Variants in XYLT1 observed in about 807,000 individuals in gnomAD.
XYLT1 encodes the protein beta-D-xylosyltransferase 1.
XYLT1 carries 36 observed loss-of-function variants against 91.3 expected under a neutral mutation model. The observed-to-expected ratio is 0.39, with a 90% CI of 0.30 to 0.52. The LOEUF (loss-of-function observed/expected upper bound fraction) is 0.52, where lower values mean the gene tolerates loss of function less well. XYLT1 is among the 20% of genes least tolerant of loss of function. The pLI is 0.68. For synonymous variants in XYLT1, 588 were observed against 532.0 expected, an observed-to-expected ratio of 1.11 and a Z score of -1.45; for missense variants, 1,242 against 1,284.5, an observed-to-expected ratio of 0.97 and a Z score of 0.51.
At chr16:17,243,196 C>T (rs1212646317) in intron 3 of XYLT1, among the ~76,000 whole-genome samples, 2 of 152,198 alleles carry the variant, frequency 1.3e-5, no homozygotes, top group Admixed American at 1.3e-4. Context: ...TCACACAGAT[C>T]CTCTCATTCT....
Position 17,437,551 on chromosome 16 carries a change from T to C in XYLT1, c.363+32883A>G, listed in dbSNP as rs114250962. Among the ~76,000 whole-genome samples the C allele has an allele frequency of 3.1e-3, 479 of 152,246 alleles. 2 individuals are homozygous for C. Among genetic ancestry groups the C allele is most frequent in the African/African-American group, 1.0e-2 (415 of 41,554 alleles). The stretch of plus-strand genomic sequence containing the variant: ...TGCTTGGAATGCACTTGTATCTACA[T>C]TGCAATGCTCAGAGTTACATGTCTC... On this transcript the variant is annotated intron_variant, in intron 1 of 11. Coordinates refer to ENST00000261381, the MANE Select transcript of XYLT1 (RefSeq NM_022166.4).
At chr16:17,297,920 C>G (rs1182709027) in intron 2 of XYLT1, among the ~76,000 whole-genome samples, 1 of 151,852 alleles carries the variant, frequency 6.6e-6, no homozygotes, top group Admixed American at 6.6e-5. Flanking sequence ...ACTCGGGAGG[C>G]TGAGGCAGGA....
chr16:17,391,284 C>T (rs1345996736), intron 1 of XYLT1, among the ~76,000 whole-genome samples: 2 of 152,156 alleles, frequency 1.3e-5, no homozygotes, highest in African/African-American at 4.8e-5. Context: ...TGGCTTGACC[C>T]AGACCCACCA....
chr16:17,285,305 A>T (rs1247701000), intron 2 of XYLT1, among the ~76,000 whole-genome samples: 1 of 152,218 alleles, frequency 6.6e-6, no homozygotes, highest in Non-Finnish European at 1.5e-5. Context: ...TTAAATCAGA[A>T]TTCAAATGAG....
intron 3 of XYLT1, among the ~76,000 whole-genome samples, chr16:17,248,976 C>T (rs1308797556): frequency 6.6e-6 from 1 of 152,022 alleles, no homozygotes; most frequent in Non-Finnish European, 1.5e-5. Flanking sequence ...ATCCACCTGC[C>T]TCCCAAAGTG....
chr16:17,113,081 C>T (rs1228816805), intron 11 of XYLT1, among the ~76,000 whole-genome samples: 2 of 151,928 alleles, frequency 1.3e-5, no homozygotes, highest in African/African-American at 4.8e-5. Flanking sequence ...TCAGGTGATC[C>T]GCCCACCTCA....
chr16:17,224,850 G>A (rs2033034493), intron 3 of XYLT1, among the ~76,000 whole-genome samples: 1 of 152,160 alleles, frequency 6.6e-6, no homozygotes, highest in South Asian at 2.1e-4. Context: ...TTCTATAAGA[G>A]GACAGACAGT....
At chr16:17,169,893 G>A (rs1358289516) in intron 5 of XYLT1, among the ~76,000 whole-genome samples, 5 of 152,168 alleles carry the variant, frequency 3.3e-5, no homozygotes, top group African/African-American at 4.8e-5. Flanking sequence ...AGAGGGCATC[G>A]AAAGATTGAA....
At chr16:17,150,277 C>T (rs1326803488) in intron 6 of XYLT1, among the ~76,000 whole-genome samples, 6 of 152,198 alleles carry the variant, frequency 3.9e-5, no homozygotes, top group Non-Finnish European at 8.8e-5. Flanking sequence ...CCTTCTGGGC[C>T]TGAGCTGGAG....
chr16:17,238,023 G>A (rs1290874147), intron 3 of XYLT1, among the ~76,000 whole-genome samples: 1 of 152,180 alleles, frequency 6.6e-6, no homozygotes, highest in Non-Finnish European at 1.5e-5. Context: ...TTTCGGTGAG[G>A]GCAGTGGTAC....
intron 3 of XYLT1, among the ~76,000 whole-genome samples, chr16:17,256,373 C>A (rs1323949300): frequency 6.6e-6 from 1 of 152,134 alleles, no homozygotes; most frequent in Non-Finnish European, 1.5e-5. Flanking sequence ...AGAGTTCTCA[C>A]CAGGCGCGGT....
chr16:17,219,446 A>T (rs2032923897), intron 3 of XYLT1, among the ~76,000 whole-genome samples: 1 of 152,266 alleles, frequency 6.6e-6, no homozygotes, highest in African/African-American at 2.4e-5. Flanking sequence ...GTCTTTTACC[A>T]TTACAGCATC....
intron 2 of XYLT1, among the ~76,000 whole-genome samples, chr16:17,270,888 C>T (rs183477307): frequency 5.3e-4 from 80 of 152,178 alleles, no homozygotes; most frequent in Non-Finnish European, 7.9e-4. Context: ...TCTGGCTCTC[C>T]GCAGAAAAAA....
chr16:17,141,290 G>C lies in XYLT1; in HGVS notation c.1450C>G (p.Pro484Ala), dbSNP rs775199998. 2 of 1,614,144 alleles carry C rather than the reference G, an allele frequency of 1.2e-6. No homozygotes were observed. Among genetic ancestry groups the C allele is most frequent in the South Asian group, 2.2e-5 (2 of 91,082 alleles). The change falls in exon 7 of 12, where the codon CCA (proline) becomes GCA (alanine). Residue 484 changes from proline (P) to alanine (A), a missense_variant. Pro to Ala is a conservative substitution (Grantham distance 27, BLOSUM62 -1). Transcript: ENST00000261381. Reference protein sequence around the residue: ...HMWRLGDRRIPEGIAVDGGSD... With the variant: ...HMWRLGDRRIAEGIAVDGGSD... ...CCGCCATCCACGGCAATGCCCTCTG[G>C]GATCCGCCGATCTCCCAGGCGCCAC...
Position 17,127,399 on chromosome 16 carries a change from A to G in XYLT1, c.2223+267T>C, listed in dbSNP as rs570484940. Among the ~76,000 whole-genome samples the G allele has an allele frequency of 1.8e-4, 28 of 152,312 alleles. No individual in the cohort carries two copies. The East Asian group carries it at 5.4e-3, about 29-fold the overall frequency. On this transcript the variant is annotated intron_variant, in intron 10 of 11. Transcript: ENST00000261381. Reference sequence around the variant, plus strand: ...CTAATATTACTGACATTGGTTTAGGAGTCATCACTGGAAAAATTCAGAGGA... The same window carrying G: ...CTAATATTACTGACATTGGTTTAGGGGTCATCACTGGAAAAATTCAGAGGA...
At chr16:17,268,939 C>T (rs1397512273) in intron 2 of XYLT1, among the ~76,000 whole-genome samples, 3 of 152,118 alleles carry the variant, frequency 2.0e-5, no homozygotes. Context: ...TCCCAAAGTG[C>T]TGGAATTACA....
At chr16:17,159,258 A>G in intron 5 of XYLT1, among the ~76,000 whole-genome samples, 1 of 152,166 alleles carries the variant, frequency 6.6e-6, no homozygotes, top group African/African-American at 2.4e-5. Context: ...CAGCAACCTC[A>G]GGACCTTTGC....
chr16:17,232,373 T>C (rs2033172802), intron 3 of XYLT1, among the ~76,000 whole-genome samples: 1 of 142,552 alleles, frequency 7.0e-6, no homozygotes, highest in Non-Finnish European at 1.5e-5. Context: ...CACTGAAACA[T>C]ACAGTGCATG....
chr16:17,296,316 C>T (rs1182000140), intron 2 of XYLT1, among the ~76,000 whole-genome samples: 1 of 152,136 alleles, frequency 6.6e-6, no homozygotes, highest in Non-Finnish European at 1.5e-5. Flanking sequence ...GCGTTTATCC[C>T]CATGTAAAGA....
Sources: gnomAD v4.1 joint callset for allele counts (sites outside exome capture counted in the v4.1 genomes callset) on GRCh38, gnomAD v4.1.1 for gene constraint, MANE v1.5 for transcripts, NCBI Gene and HGNC (gene_info 2026-07-23, HGNC 2026-07-21) for gene names.